PTK2: variants seen among roughly 807,000 people sequenced by gnomAD.
PTK2 encodes the protein protein tyrosine kinase 2.
Under a neutral mutation model 150.1 loss-of-function variants are expected in PTK2, and 45 were observed. The ratio of observed to expected loss-of-function variants is 0.30; its 90% CI spans 0.24 to 0.38. PTK2 has a LOEUF of 0.38. Among genes scored for constraint, PTK2 ranks in the 10% least tolerant of loss-of-function variants. The pLI, the probability that PTK2 is intolerant of heterozygous loss-of-function variation, is 1.00. For synonymous variants in PTK2, 432 were observed against 449.2 expected (o/e 0.96, Z 0.48); for missense variants, 919 against 1,307.3 (o/e 0.70, Z 4.58).
intron 1 of PTK2, among the ~76,000 whole-genome samples, chr8:140,930,773 T>A (rs1419247714): frequency 6.6e-6 from 1 of 152,030 alleles, no homozygotes; most frequent in Admixed American, 6.5e-5. Context: ...TAAGATTAAT[T>A]GGAAAAAAAG....
At chr8:140,890,291 G>GA in intron 3 of PTK2, 1 of 387,956 alleles carries the variant, frequency 2.6e-6, no homozygotes, top group Non-Finnish European at 4.5e-6. Flanking sequence ...ACCTAGAAGG[G>GA]AAAAATAAGT....
chr8:140,692,096 A>C (rs1193952974), intron 26 of PTK2, among the ~76,000 whole-genome samples: 1 of 152,218 alleles, frequency 6.6e-6, no homozygotes, highest in African/African-American at 2.4e-5. Flanking sequence ...ACATTTCATG[A>C]AATGACTTTC....
At chr8:140,760,183 C>T (rs1383359482) in intron 16 of PTK2, among the ~76,000 whole-genome samples, 3 of 152,052 alleles carry the variant, frequency 2.0e-5, no homozygotes, top group African/African-American at 7.2e-5. Flanking sequence ...GAAGACACCA[C>T]TGCACTCCAG....
intron 24 of PTK2, among the ~76,000 whole-genome samples, chr8:140,703,365 AT>A (rs879390790): frequency 1.3e-5 from 2 of 152,224 alleles, no homozygotes; most frequent in African/African-American, 2.4e-5. Flanking sequence ...AGGCAAGGAA[AT>A]GGACTCTCAG....
At position 140,669,736 on chromosome 8, in the gene PTK2, C is replaced by G. The variant is rs1320030227; in HGVS notation, c.2710-1312G>C. ...GACACGATGTGCTTACCCTCCATGG[C>G]TATTGTCGAACGGAAGGTGAGGAAA... On this transcript the variant is annotated intron_variant, in intron 29 of 31. Coordinates refer to ENST00000522684, the Ensembl canonical transcript of PTK2. The G allele has an allele frequency of 6.5e-7, 1 of 1,533,838 alleles. No individual in the cohort carries two copies. Among genetic ancestry groups the G allele is most frequent in the Non-Finnish European group, 8.7e-7 (1 of 1,145,202 alleles).
intron 1 of PTK2, among the ~76,000 whole-genome samples, chr8:140,990,066 G>A (rs536172282): frequency 1.3e-5 from 2 of 152,094 alleles, no homozygotes; most frequent in Non-Finnish European, 2.9e-5. Context: ...CAGAGAAAAT[G>A]GTCAATGATT....
intron 1 of PTK2, among the ~76,000 whole-genome samples, chr8:140,996,039 C>T (rs980107466): frequency 4.6e-5 from 7 of 151,786 alleles, no homozygotes; most frequent in South Asian, 2.1e-4. Context: ...CAGCCAAGAT[C>T]GCGCCACTGG....
intron 5 of PTK2, among the ~76,000 whole-genome samples, chr8:140,853,089 G>C (rs2100130328): frequency 6.6e-6 from 1 of 152,016 alleles, no homozygotes; most frequent in Non-Finnish European, 1.5e-5. Context: ...GGTCAGTCAC[G>C]TAGGCGTTGT....
At chr8:140,985,419 C>T (rs2100192968) in intron 1 of PTK2, among the ~76,000 whole-genome samples, 1 of 152,186 alleles carries the variant, frequency 6.6e-6, no homozygotes, top group Admixed American at 6.5e-5. Context: ...AGTCACTGTG[C>T]CTGGCCTCAT....
intron 1 of PTK2, among the ~76,000 whole-genome samples, chr8:140,988,615 G>C (rs2100194296): frequency 6.6e-6 from 1 of 151,606 alleles, no homozygotes; most frequent in African/African-American, 2.4e-5. Flanking sequence ...CGTAGCCCCA[G>C]CTATTCGGGA....
intron 23 of PTK2, among the ~76,000 whole-genome samples, chr8:140,708,457 T>C (rs1024562428): frequency 5.3e-5 from 8 of 152,214 alleles, no homozygotes; most frequent in Non-Finnish European, 7.3e-5. Context: ...TCTGCTCTCC[T>C]AAGGAGGCCT....
chr8:140,731,543 A>T (rs920655593), intron 22 of PTK2, among the ~76,000 whole-genome samples: 1 of 152,146 alleles, frequency 6.6e-6, no homozygotes, highest in Non-Finnish European at 1.5e-5. Flanking sequence ...TGATTTTCCT[A>T]TGAGTTTGCC....
intron 26 of PTK2, among the ~76,000 whole-genome samples, chr8:140,690,097 C>T (rs781494860): frequency 8.5e-5 from 13 of 152,222 alleles, no homozygotes; most frequent in South Asian, 2.1e-4. Flanking sequence ...GGACTACAGG[C>T]GTCCGCCACC....
In PTK2 at chr8:140,848,956, A is replaced by G. The variant is rs186464047; in HGVS notation, c.451-2278T>C. Among the ~76,000 whole-genome samples the G allele has an allele frequency of 6.2e-4, 94 of 152,288 alleles. 2 individuals are homozygous for G. Among genetic ancestry groups the G allele is most frequent in the Non-Finnish European group, 1.0e-4 (7 of 68,014 alleles). On this transcript the variant is annotated intron_variant, in intron 5 of 31. Transcript: ENST00000522684. ...GAAGATTAATTGCCACAATTTTTAA[A>G]CACTATTCACAGGTAGAAAAAATAA... is the stretch of plus-strand genomic sequence containing the variant.
intron 13 of PTK2, among the ~76,000 whole-genome samples, chr8:140,791,162 CTA>C (rs1194645852): frequency 1.3e-5 from 2 of 152,162 alleles, no homozygotes; most frequent in African/African-American, 4.8e-5. Context: ...CATGATTCCT[CTA>C]TGTGTGTGTG....
chr8:140,986,385 TA>T (rs2100193254), intron 1 of PTK2, among the ~76,000 whole-genome samples: 1 of 152,172 alleles, frequency 6.6e-6, no homozygotes, highest in East Asian at 1.9e-4. Context: ...TGAAAAAGAC[TA>T]AAAGAAAATA....
intron 5 of PTK2, among the ~76,000 whole-genome samples, chr8:140,858,184 G>C (rs2100133895): frequency 1.3e-5 from 2 of 152,020 alleles, no homozygotes; most frequent in African/African-American, 2.4e-5. Context: ...TGCCAGACTA[G>C]ACTGACCTGA....
chr8:140,704,805 A>G (rs1416715321), intron 24 of PTK2, among the ~76,000 whole-genome samples: 1 of 152,150 alleles, frequency 6.6e-6, no homozygotes, highest in African/African-American at 2.4e-5. Flanking sequence ...AAATGGTAGT[A>G]ATCCAAACTG....
chr8:140,855,284 T>C (rs2100131816), intron 5 of PTK2, among the ~76,000 whole-genome samples: 1 of 152,060 alleles, frequency 6.6e-6, no homozygotes, highest in South Asian at 2.1e-4. Context: ...CCTCTGCCCA[T>C]TTTCTAGACT....
Sources: allele counts gnomAD v4.1 joint callset (sites outside exome capture counted in the v4.1 genomes callset), GRCh38; gene constraint gnomAD v4.1.1; transcripts MANE v1.5; gene names NCBI Gene and HGNC (gene_info 2026-07-23, HGNC 2026-07-21).